The following AGO2 variants were observed in gnomAD, a reference collection of about 807,000 sequenced individuals.
AGO2 encodes protein argonaute-2.
AGO2 carries 5 observed loss-of-function variants against 102.3 expected under a neutral mutation model. The ratio of observed to expected loss-of-function variants is 0.05; its 90% CI spans 0.03 to 0.10. The LOEUF is 0.10. Ranked by LOEUF, AGO2 falls within the 10% of genes least tolerant of loss-of-function variation. The pLI is 1.00. For missense variants in AGO2, 541 were observed against 1,183.7 expected (o/e 0.46, Z 7.97); for synonymous variants, 449 against 473.1 (o/e 0.95, Z 0.66).
Position 140,540,354 on chromosome 8 carries a change from G to A in AGO2, c.2034+810C>T. ...GGAGGATGTCTTCCCACCCCACTGG[G>A]TGGGGCTCCTCCCCCAACATGCCTG... On this transcript the variant is annotated intron_variant, in intron 15 of 18. Transcript: ENST00000220592. This position sits in a 1 kb window ranked among gnomAD's most constrained non-coding sequence, Gnocchi z 5.0. Among the ~76,000 whole-genome samples the A allele has an allele frequency of 6.6e-6, 1 of 152,188 alleles. No individual in the cohort carries two copies. Among genetic ancestry groups the A allele is most frequent in the East Asian group, 1.9e-4 (1 of 5,170 alleles).
chr8:140,544,986 G>A (rs960261777), intron 13 of AGO2, among the ~76,000 whole-genome samples: 5 of 152,136 alleles, frequency 3.3e-5, no homozygotes, highest in Non-Finnish European at 5.9e-5. Flanking sequence ...AGAGTGCACC[G>A]CCGCACACCC....
chr8:140,623,803 A>C (rs2074243766), intron 1 of AGO2, among the ~76,000 whole-genome samples: 1 of 152,156 alleles, frequency 6.6e-6, no homozygotes, highest in South Asian at 2.1e-4. Flanking sequence ...AAACCACAAG[A>C]AAAAGAGGCC....
intron 1 of AGO2, among the ~76,000 whole-genome samples, chr8:140,602,784 AT>A (rs1416771290): frequency 6.6e-6 from 1 of 152,174 alleles, no homozygotes; most frequent in African/African-American, 2.4e-5. Context: ...GAGAGGTACC[AT>A]TTTTTTCCTA....
intron 5 of AGO2, among the ~76,000 whole-genome samples, 185 bp downstream of exon 5, chr8:140,560,189 C>A (rs568608488): frequency 6.6e-6 from 1 of 152,244 alleles, no homozygotes; most frequent in Non-Finnish European, 1.5e-5. Context: ...TTCACGCTGG[C>A]CTGAGAGCCA....
At chr8:140,542,449 A>G (rs565623799) in intron 14 of AGO2, among the ~76,000 whole-genome samples, 2 of 152,240 alleles carry the variant, frequency 1.3e-5, no homozygotes, top group South Asian at 2.1e-4. Flanking sequence ...AAATAAATAA[A>G]CTCTGTAATG....
chr8:140,532,670 T>C, intron 17 of AGO2, 55 bp from the exon 18 acceptor site: 1 of 1,530,762 alleles, frequency 6.5e-7, no homozygotes, highest in South Asian at 1.1e-5. Flanking sequence ...TTTAAAAGGA[T>C]ACTGTGGAGA....
rs750402514 is a variant in AGO2 at position 140,556,296 on chromosome 8, G to A, written c.1027-10C>T. ...CCACAATGTTACAGACCTGTGAAGAGGACGTAGAGACAGGCCGTCAGTGCC... is the reference window on the plus strand; with the variant it reads ...CCACAATGTTACAGACCTGTGAAGAAGACGTAGAGACAGGCCGTCAGTGCC... On this transcript the variant is annotated splice_polypyrimidine_tract_variant and intron_variant, in intron 8 of 18. Transcript: ENST00000220592. 1 of 1,613,930 alleles carries A rather than the reference G, an allele frequency of 6.2e-7. No individual in the cohort carries two copies. The highest frequency in any genetic ancestry group is 8.5e-7 in the Non-Finnish European group (1 of 1,179,932).
intron 2 of AGO2, among the ~76,000 whole-genome samples, chr8:140,584,150 AAAAC>A (rs1431768441): frequency 5.3e-5 from 8 of 151,856 alleles, no homozygotes; most frequent in African/African-American, 1.5e-4. Flanking sequence ...AAAAAAAAAA[AAAAC>A]AAAACAGGCA....
intron 14 of AGO2, among the ~76,000 whole-genome samples, chr8:140,543,956 C>A (rs890102260): frequency 2.0e-5 from 3 of 152,234 alleles, no homozygotes; most frequent in Non-Finnish European, 2.9e-5. Context: ...GGCCTCCTTG[C>A]CCTTCAGACC....
intron 1 of AGO2, among the ~76,000 whole-genome samples, chr8:140,597,870 TTCCAC>T (rs1364683365): frequency 6.6e-6 from 1 of 152,206 alleles, no homozygotes; most frequent in African/African-American, 2.4e-5. Flanking sequence ...CACACGCCTG[TTCCAC>T]TCATCACCGG....
At chr8:140,543,587 C>T (rs949305939) in intron 14 of AGO2, among the ~76,000 whole-genome samples, 1 of 152,202 alleles carries the variant, frequency 6.6e-6, no homozygotes. Flanking sequence ...TCCTAGGTAG[C>T]AGGAACTACA....
intron 13 of AGO2, among the ~76,000 whole-genome samples, chr8:140,547,127 C>T (rs1289462463): frequency 1.3e-5 from 2 of 152,214 alleles, no homozygotes; most frequent in African/African-American, 4.8e-5. Context: ...GGCCCTGGTC[C>T]ACACGGTAGC....
chr8:140,586,268 A>G (rs1162864788), intron 1 of AGO2, among the ~76,000 whole-genome samples: 1 of 152,154 alleles, frequency 6.6e-6, no homozygotes, highest in Non-Finnish European at 1.5e-5. Flanking sequence ...TGAGGCGGGT[A>G]GATTACCTGA....
chr8:140,541,494 C>T (rs759360896), intron 14 of AGO2, 136 bp from the exon 15 acceptor site: 22 of 821,398 alleles, frequency 2.7e-5, no homozygotes, highest in Middle Eastern at 3.7e-4. Context: ...GTGACAATGG[C>T]TGGCTGGGTG....
intron 1 of AGO2, among the ~76,000 whole-genome samples, chr8:140,630,686 C>T (rs970356009): frequency 6.6e-6 from 1 of 152,142 alleles, no homozygotes; most frequent in Non-Finnish European, 1.5e-5. Flanking sequence ...GAAAAGAATC[C>T]CTCTTATTTG....
chr8:140,568,103 C>CAAAA (rs553804959), intron 3 of AGO2, among the ~76,000 whole-genome samples: 22 of 110,630 alleles, frequency 2.0e-4, no homozygotes, highest in African/African-American at 3.2e-4. Context: ...ACTAAAAATA[C>CAAAA]AAAAAAAAAA....
At chr8:140,595,850 ATT>A (rs1564106904) in intron 1 of AGO2, among the ~76,000 whole-genome samples, 840 of 27,506 alleles carry the variant, frequency 0.031, 10 homozygotes, top group Non-Finnish European at 0.047. Context: ...TATATATTAT[ATT>A]TATATTATAT....
intron 3 of AGO2, chr8:140,572,341 C>T (rs73362336): frequency 0.035 from 5,290 of 152,906 alleles, 183 homozygotes; most frequent in Middle Eastern, 0.095. Flanking sequence ...CCTATATGAA[C>T]GTAATTTTCC....
At chr8:140,546,574 G>A (rs909210505) in intron 13 of AGO2, among the ~76,000 whole-genome samples, 2 of 152,204 alleles carry the variant, frequency 1.3e-5, no homozygotes, top group Admixed American at 6.5e-5. Context: ...CTGTGACGGC[G>A]TGCCAGTGAT....
Sources: gnomAD v4.1 joint callset for allele counts (sites outside exome capture counted in the v4.1 genomes callset) on GRCh38, gnomAD v4.1.1 for gene constraint, Gnocchi (gnomAD v3.1) non-coding constraint, MANE v1.5 for transcripts, NCBI Gene and HGNC (gene_info 2026-07-23, HGNC 2026-07-21) for gene names.